Variants in EPS8L1 observed in about 807,000 individuals in gnomAD.
EPS8L1 encodes epidermal growth factor receptor kinase substrate 8-like protein 1.
A neutral mutation model predicts 91.7 loss-of-function variants in EPS8L1; 101 were observed. The ratio of observed to expected loss-of-function variants is 1.10; its 90% confidence interval spans 0.94 to 1.30. EPS8L1 has a LOEUF of 1.30. EPS8L1 is among the 50% of genes most tolerant of loss of function. The pLI, the probability that EPS8L1 is intolerant of heterozygous loss-of-function variation, is 0.00. For synonymous variants in EPS8L1, 506 were observed against 445.3 expected (o/e 1.14, Z -1.72); for missense variants, 1,114 against 1,017.0 (o/e 1.10, Z -1.30).
At position 55,081,622 on chromosome 19, in the gene EPS8L1, GGGT is replaced by G. The variant is rs1035182713; in HGVS notation, c.774+131_774+133del. On this transcript the variant is annotated intron_variant, in intron 8 of 19. Transcript: ENST00000201647. The surrounding 1 kb of genome is among the most constrained non-coding windows in gnomAD (Gnocchi z 4.9). ...ACTTCTGCGTTATGGAAGAGGGGCT[GGGT>G]CGGGGGCGGGGCTTGGTTGTGGGGC... 1 of 849,270 alleles carries G rather than the reference GGGT, an allele frequency of 1.2e-6. No homozygotes were observed. Among genetic ancestry groups the G allele is most frequent in the African/African-American group, 1.8e-5 (1 of 56,812 alleles). 52.6% of individuals were successfully genotyped at this position (849,270 alleles called of 1,614,324 possible). A position where few individuals can be genotyped will look rare whatever the true frequency, so the allele number is the denominator to read the frequency against.
chr19:55,084,069 T>G, intron 14 of EPS8L1: 1 of 340,276 alleles, frequency 2.9e-6, no homozygotes. Flanking sequence ...CCTTTGGGTT[T>G]TGAAGAAGAG....
rs2147167415 is a variant in EPS8L1, at chr19:55,087,378, C to T, written c.2028C>T (p.Ser676=). ...AGAAGGAGGAGCTGCGGGCGGTGAG[C>T]CCCGAGGAGGGGGCACGTGTGTACA... ...SLQKEELRAV[S]PEEGARVYSQ... The change falls in exon 19 of 20, where the codon AGC becomes AGT. Residue 676 remains serine (S), a synonymous_variant. Transcript: ENST00000201647. 1.2e-6 allele frequency: 2 copies of T among 1,613,160 alleles called. No individual in the cohort carries two copies. Among genetic ancestry groups the T allele is most frequent in the Non-Finnish European group, 8.5e-7 (1 of 1,179,578 alleles).
At chr19:55,082,371 C>T (rs977025675) in intron 11 of EPS8L1, 22 bp downstream of exon 11, 2 of 1,612,470 alleles carry the variant, frequency 1.2e-6, no homozygotes, top group Admixed American at 1.7e-5. Context: ...CCCAGGCCCT[C>T]GGGCCCCCCT....
At position 55,082,132 on chromosome 19, in the gene EPS8L1, C is replaced by T. The variant is rs1602939399; in HGVS notation, c.942C>T (p.Ala314=). The change falls in exon 10 of 20, where the codon GCC becomes GCT. Residue 314 remains alanine (A), a synonymous_variant. Transcript: ENST00000201647. ...LTLRAKPPSE[A]EYTDVLQKIK... is the part of the protein sequence containing the mutation. Reference sequence around the variant, plus strand: ...TGCGGGCCAAGCCGCCCTCGGAGGCCGAGTACACCGACGTGCTGCAGAAGA... The same window carrying T: ...TGCGGGCCAAGCCGCCCTCGGAGGCTGAGTACACCGACGTGCTGCAGAAGA... 2 of 1,603,558 alleles carry T rather than the reference C, an allele frequency of 1.2e-6. No individual in the cohort carries two copies. Among genetic ancestry groups the T allele is most frequent in the African/African-American group, 1.3e-5 (1 of 74,872 alleles).
chr19:55,081,151 G>C lies in EPS8L1; in HGVS notation c.513-80G>C, dbSNP rs2076248665. 4.2e-6 allele frequency: 6 copies of C among 1,426,192 alleles called. No individual in the cohort carries two copies. Among genetic ancestry groups the C allele is most frequent in the Non-Finnish European group, 5.5e-6 (6 of 1,090,622 alleles). The allele number at this position is 1,426,192 out of a possible 1,614,324, so 88.3% of individuals were successfully genotyped here. On this transcript the variant is annotated intron_variant, in intron 7 of 19. Transcript: ENST00000201647. This position sits in a 1 kb window ranked among gnomAD's most constrained non-coding sequence, Gnocchi z 4.9. ...CCCTTTGAGCCTTTTGAGCCTGTGT[G>C]TCTCGTTCTGCGCCCTGGATTTCCC...
intron 6 of EPS8L1, 128 bp downstream of exon 6, chr19:55,080,406 C>CA: frequency 1.3e-6 from 2 of 1,579,044 alleles, no homozygotes; most frequent in Non-Finnish European, 1.7e-6. Context: ...CAAGGAAGGG[C>CA]AGGGGACCTG....
rs1178841128 is a variant in EPS8L1 at position 55,083,512 on chromosome 19, G to T, written c.1349G>T (p.Arg450Leu). ...AAACAGCTACAGCACGAGCGGAGGCGCCGGCAGGTGACCCAAGCGACACAG... is the reference window on the plus strand; with the variant it reads ...AAACAGCTACAGCACGAGCGGAGGCTCCGGCAGGTGACCCAAGCGACACAG... ...VEKQLQHERR[R>L]RQQSAPQVAV... The change falls in exon 13 of 20, where the codon CGC becomes CTC. Residue 450 changes from arginine (R) to leucine (L), a missense_variant. Arg to Leu is a moderately radical substitution (Grantham distance 102). Transcript: ENST00000201647. This position sits in a 1 kb window ranked among gnomAD's most constrained non-coding sequence, Gnocchi z 4.7. The T allele has an allele frequency of 6.2e-7, 1 of 1,609,790 alleles. No homozygotes were observed.
Position 55,079,719 on chromosome 19 carries a change from C to G in EPS8L1, c.147C>G (p.Asp49Glu). ...TGGTGACGTTCTGCCTGGGTGAGGA[C>G]GATGGCGTGCATACCGTGGAGGATG... The part of the protein sequence containing the change: ...NHLVTFCLGE[D>E]DGVHTVEDAS... The change falls in exon 5 of 20, where the codon GAC becomes GAG. Residue 49 changes from aspartate (D) to glutamate (E), a missense_variant. Coordinates refer to ENST00000201647, the MANE Select transcript of EPS8L1 (RefSeq NM_133180.3). The G allele has an allele frequency of 1.2e-6, 2 of 1,614,094 alleles. No individual in the cohort carries two copies. The highest frequency in any genetic ancestry group is 1.1e-5 in the South Asian group (1 of 91,088).
intron 11 of EPS8L1, 40 bp downstream of exon 11, chr19:55,082,389 G>C (rs1237896130): frequency 6.2e-7 from 1 of 1,612,406 alleles, no homozygotes; most frequent in Non-Finnish European, 8.5e-7. Context: ...CCTGCAGCGG[G>C]AGGAATCGGG....
At chr19:55,086,636 C>CCCCCCCCCCCCCCCCCGGG in intron 17 of EPS8L1, 78 bp from the exon 18 acceptor site, 4 of 956,950 alleles carry the variant, frequency 4.2e-6, no homozygotes, top group Non-Finnish European at 5.7e-6. Flanking sequence ...CGCTGGAGCG[C>CCCCCCCCCCCCCCCCCGGG]CCCCCCGCCC....
intron 10 of EPS8L1, 31 bp downstream of exon 10, chr19:55,082,211 G>A (rs2076282010): frequency 6.3e-7 from 1 of 1,590,732 alleles, no homozygotes; most frequent in South Asian, 1.1e-5. Context: ...GGGCCGGGGC[G>A]CGGGCACGAC....
Position 55,080,260 on chromosome 19 carries a change from C to A in EPS8L1, c.411C>A (p.Phe137Leu). 6.5e-7 allele frequency: 1 copy of A among 1,534,572 alleles called. No individual in the cohort carries two copies. Among genetic ancestry groups the A allele is most frequent in the East Asian group, 2.5e-5 (1 of 40,594 alleles). ...GCGCGCAGCCCGACGTGCACTTCTT[C>A]CAGGGCCTGCGCCTCGGGGTGAGCA... ...PERAQPDVHF[F>L]QGLRLGAELI... Residue 137 changes from phenylalanine (F) to leucine (L), a missense_variant, in exon 6 of 20, where the codon TTC becomes TTA. By Grantham distance (22) the Phe-to-Leu change is conservative. Transcript: ENST00000201647.
Position 55,087,904 on chromosome 19 carries a change from A to G in EPS8L1, c.*290A>G, listed in dbSNP as rs1198329014. 1.1e-5 allele frequency: 5 copies of G among 434,908 alleles called. No homozygotes were observed. Among genetic ancestry groups the G allele is most frequent in the Non-Finnish European group, 2.1e-5 (5 of 234,036 alleles). 26.9% of individuals were successfully genotyped at this position (434,908 alleles called of 1,614,324 possible). A position where few individuals can be genotyped will look rare whatever the true frequency, so the allele number is the denominator to read the frequency against. On this transcript the variant is annotated 3_prime_UTR_variant, in exon 20 of 20. Transcript: ENST00000201647. ...ATTGTAATATGCGGCCCAGCCTATA[A>G]ACAGCCTCCGTGCTTAGCAGATGGT...
In EPS8L1 at chr19:55,079,848, C is replaced by T. The variant is rs769890008; in HGVS notation, c.276C>T (p.Ser92=). ...ATGTCACGCTGCTCGACCCGGCCTC[C>T]AAGGTGCCGGGGGGCACGTGGGTGG... ...PDHVTLLDPA[S]KEELESYPLG... Residue 92 remains serine (S), a synonymous_variant, in exon 5 of 20, where the codon TCC becomes TCT. Coordinates refer to ENST00000201647, the MANE Select transcript of EPS8L1 (RefSeq NM_133180.3). 1 of 1,611,456 alleles carries T rather than the reference C, an allele frequency of 6.2e-7. No homozygotes were observed. The highest frequency in any genetic ancestry group is 2.2e-5 in the East Asian group (1 of 44,800).
chr19:55,083,539 A>G lies in EPS8L1; in HGVS notation c.1356+20A>G, dbSNP rs1297008677. On this transcript the variant is annotated intron_variant, in intron 13 of 19. Transcript: ENST00000201647. This position sits in a 1 kb window ranked among gnomAD's most constrained non-coding sequence, Gnocchi z 4.7. ...CGGCAGGTGACCCAAGCGACACAGC[A>G]GGGCCGAGGCTGGGAAGTCCGGGGG... The G allele has an allele frequency of 2.5e-6, 4 of 1,605,884 alleles. No homozygotes were observed. The highest frequency in any genetic ancestry group is 2.2e-5 in the South Asian group (2 of 90,386).
At position 55,081,274 on chromosome 19, in the gene EPS8L1, G is replaced by A. The variant is rs1158979835; in HGVS notation, c.556G>A (p.Glu186Lys). ...GCAGCGCGACCGCTCGCCCGCCGCT[G>A]AGACCCCGCCCCTGCAGCGCCGCCC... ...ELQRDRSPAAETPPLQRRPSV... is the reference protein window; with the variant it reads ...ELQRDRSPAAKTPPLQRRPSV... Residue 186 changes from glutamate to lysine, a missense_variant, in exon 8 of 20, where the codon GAG becomes AAG. Physicochemically the swap from Glu to Lys is moderately conservative, Grantham distance 56. Transcript: ENST00000201647. The surrounding 1 kb of genome is among the most constrained non-coding windows in gnomAD (Gnocchi z 4.9). The A allele has an allele frequency of 2.6e-6, 4 of 1,536,416 alleles. No homozygotes were observed. The highest frequency in any genetic ancestry group is 2.4e-5 in the East Asian group (1 of 42,252).
At position 55,086,487 on chromosome 19, in the gene EPS8L1, T is replaced by C; in HGVS notation, c.1746T>C (p.Asp582=). The C allele has an allele frequency of 1.3e-6, 2 of 1,551,540 alleles. No individual in the cohort carries two copies. Among genetic ancestry groups the C allele is most frequent in the South Asian group, 1.2e-5 (1 of 84,068 alleles). ...RWDRPRWDSC[D]SLNGLDPSEK... The stretch of plus-strand genomic sequence containing the variant: ...ACAGGCCCCGCTGGGACAGCTGCGA[T>C]AGCCTCAACGGCTTGGACCCCAGCG... Residue 582 remains aspartate, a synonymous_variant, in exon 17 of 20, where the codon GAT becomes GAC. Coordinates refer to ENST00000201647, the MANE Select transcript of EPS8L1 (RefSeq NM_133180.3).
At chr19:55,076,253 G>A (rs1346458006) in intron 1 of EPS8L1, 155 bp from the exon 2 acceptor site, 13 of 616,738 alleles carry the variant, frequency 2.1e-5, no homozygotes, top group Non-Finnish European at 3.1e-5. Context: ...CTGGGGCCTG[G>A]ACTTCTGGGT....
In EPS8L1 at chr19:55,082,338, C is replaced by T. The variant is rs746736812; in HGVS notation, c.1054C>T (p.Pro352Ser). Residue 352 changes from proline (P) to serine (S), a missense_variant, in exon 11 of 20, where the codon CCT becomes TCT. Pro to Ser is a moderately conservative substitution (Grantham distance 74, BLOSUM62 -1). Coordinates refer to ENST00000201647, the MANE Select transcript of EPS8L1 (RefSeq NM_133180.3). ...GGAGCTGTTGCACTTCCTTTTCGGGCCTCTGCAGATGGTGAGACCCGCCCC... is the reference window on the plus strand; with the variant it reads ...GGAGCTGTTGCACTTCCTTTTCGGGTCTCTGCAGATGGTGAGACCCGCCCC... ...SPELLHFLFG[P>S]LQMIVNTSGG... 2.5e-6 allele frequency: 4 copies of T among 1,612,840 alleles called. No individual in the cohort carries two copies. The highest frequency in any genetic ancestry group is 1.1e-5 in the South Asian group (1 of 91,078).
Sources: gnomAD v4.1 joint callset for allele counts on GRCh38, gnomAD v4.1.1 for gene constraint, Gnocchi (gnomAD v3.1) non-coding constraint, MANE v1.5 for transcripts, NCBI Gene and HGNC (gene_info 2026-07-23, HGNC 2026-07-21) for gene names.